The following SPATA18 variants were observed in gnomAD, a reference collection of about 807,000 sequenced individuals.
SPATA18 encodes the protein mitochondria-eating protein.
Under a neutral mutation model 68.1 loss-of-function variants are expected in SPATA18, and 54 were observed. The ratio of observed to expected loss-of-function variants is 0.79; its 90% CI spans 0.64 to 0.99. SPATA18 has a LOEUF of 0.99. Among genes scored for constraint, SPATA18 ranks in the 50% least tolerant of loss-of-function variants. The pLI is 0.00. For synonymous variants in SPATA18, 242 were observed against 244.8 expected (o/e 0.99, Z 0.11); for missense variants, 724 against 681.1 (o/e 1.06, Z -0.70).
chr4:52,079,919 A>G lies in SPATA18; in HGVS notation c.1355A>G (p.Lys452Arg). The G allele has an allele frequency of 6.2e-7, 1 of 1,611,534 alleles. No homozygotes were observed. Residue 452 changes from lysine (K) to arginine (R), a missense_variant and splice_region_variant, in exon 9 of 13, where the codon AAA becomes AGA. Physicochemically the swap from Lys to Arg is conservative, Grantham distance 26 (BLOSUM62 2). Coordinates refer to ENST00000295213, the MANE Select transcript of SPATA18 (RefSeq NM_145263.4). ...GADGEVFNDC[K>R]YRRSYDSDFT... ...GATGGAGAAGTTTTTAATGATTGCA[A>G]GTAAGAGACACAGGAGCAGAAGCTA...
At chr4:52,083,939 C>T (rs1018784150) in intron 10 of SPATA18, among the ~76,000 whole-genome samples, 1 of 151,588 alleles carries the variant, frequency 6.6e-6, no homozygotes, top group Non-Finnish European at 1.5e-5. Context: ...CGGGGTTTCA[C>T]CATGTTGGTC....
intron 1 of SPATA18, among the ~76,000 whole-genome samples, chr4:52,056,907 A>G (rs1293201238): frequency 6.6e-6 from 1 of 151,790 alleles, no homozygotes; most frequent in East Asian, 1.9e-4. Context: ...AATAAAGCCC[A>G]AGACCCTTAA....
intron 11 of SPATA18, among the ~76,000 whole-genome samples, chr4:52,092,224 T>C (rs1205672777): frequency 6.6e-6 from 1 of 151,876 alleles, no homozygotes; most frequent in Admixed American, 6.6e-5. Context: ...AACGGTTCTG[T>C]TTTGCTGGTG....
rs561039099 is a variant in SPATA18, at chr4:52,078,628, C to A, written c.1021-107C>A. 22 of 1,008,516 alleles carry A rather than the reference C, an allele frequency of 2.2e-5. No individual in the cohort carries two copies. In the Middle Eastern group the frequency reaches 1.1e-3, roughly 49 times the overall value. The allele number at this position is 1,008,516 out of a possible 1,614,324, so 62.5% of individuals were successfully genotyped here. ...TTTTTGATCAACTGTGTTTAGTTATCAGAAGACCAATATGATGTTGAAGCT... is the reference window on the plus strand; with the variant it reads ...TTTTTGATCAACTGTGTTTAGTTATAAGAAGACCAATATGATGTTGAAGCT... On this transcript the variant is annotated intron_variant, in intron 7 of 12. Transcript: ENST00000295213.
intron 11 of SPATA18, among the ~76,000 whole-genome samples, chr4:52,085,473 G>T (rs1205044374): frequency 6.6e-6 from 1 of 152,032 alleles, no homozygotes; most frequent in Non-Finnish European, 1.5e-5. Flanking sequence ...AGGTTTTTTT[G>T]TGTGTATTAG....
At chr4:52,080,257 A>G (rs1740805890) in intron 9 of SPATA18, among the ~76,000 whole-genome samples, 1 of 152,190 alleles carries the variant, frequency 6.6e-6, no homozygotes, top group Non-Finnish European at 1.5e-5. Context: ...TGATGTGTGG[A>G]TCACCTGCAT....
chr4:52,059,137 G>C (rs960181743), intron 1 of SPATA18, among the ~76,000 whole-genome samples: 1 of 152,192 alleles, frequency 6.6e-6, no homozygotes, highest in African/African-American at 2.4e-5. Flanking sequence ...TGTCCTCAAG[G>C]AGCTTCTGCC....
Position 52,051,624 on chromosome 4 carries a change from A to AC in SPATA18, c.-77dup, listed in dbSNP as rs1205374104. On this transcript the variant is annotated 5_prime_UTR_variant, in exon 1 of 13. Transcript: ENST00000295213. Reference sequence around the variant, plus strand: ...AAGAGAACACCCTTCCCGCCATATCACCCCACGGTCCTGCGGAGGCCACCG... The same window carrying AC: ...AAGAGAACACCCTTCCCGCCATATCACCCCCACGGTCCTGCGGAGGCCACCG... The AC allele has an allele frequency of 1.5e-6, 2 of 1,308,938 alleles. No individual in the cohort carries two copies. The highest frequency in any genetic ancestry group is 2.3e-5 in the East Asian group (1 of 43,420). 81.1% of individuals were successfully genotyped at this position (1,308,938 alleles called of 1,614,324 possible). A position where few individuals can be genotyped will look rare whatever the true frequency, so the allele number is the denominator to read the frequency against.
chr4:52,077,051 C>G lies in SPATA18; in HGVS notation c.1020+11C>G. On this transcript the variant is annotated intron_variant, in intron 7 of 12. Coordinates refer to ENST00000295213, the MANE Select transcript of SPATA18 (RefSeq NM_145263.4). ...TACATCGCCACAGTGGTATGTGACG[C>G]CTGCGGGACTCCCGGCTCCTTAGGG... is the stretch of plus-strand genomic sequence containing the variant. 2 of 1,586,056 alleles carry G rather than the reference C, an allele frequency of 1.3e-6. No homozygotes were observed. The highest frequency in any genetic ancestry group is 1.7e-6 in the Non-Finnish European group (2 of 1,164,942).
intron 1 of SPATA18, among the ~76,000 whole-genome samples, chr4:52,058,472 C>T (rs1399793655): frequency 6.6e-6 from 1 of 152,186 alleles, no homozygotes; most frequent in Admixed American, 6.5e-5. Flanking sequence ...GAAAGGCTCT[C>T]CAGGTCAACT....
chr4:52,064,713 T>C (rs1306273192), intron 4 of SPATA18, among the ~76,000 whole-genome samples: 2 of 152,238 alleles, frequency 1.3e-5, no homozygotes. Context: ...ATCTCTGCAA[T>C]TGCGATTTGT....
intron 1 of SPATA18, among the ~76,000 whole-genome samples, chr4:52,055,145 C>T (rs971018716): frequency 6.6e-6 from 1 of 152,104 alleles, no homozygotes; most frequent in African/African-American, 2.4e-5. Context: ...TTTAAAAGAA[C>T]ATGTCTTTAT....
rs1211492089 is a variant in SPATA18 at position 52,096,056 on chromosome 4, A to G, written c.*1169A>G. On this transcript the variant is annotated 3_prime_UTR_variant, in exon 13 of 13. Transcript: ENST00000295213. ...AGTTTTGCATAAGCTTAGTGCCAGA[A>G]CCAGCACCTGATGCTTTTCAGGTGA... 6.6e-6 allele frequency: 1 copy of G among 152,162 alleles called. No homozygotes were observed. The highest frequency in any genetic ancestry group is 1.5e-5 in the Non-Finnish European group (1 of 68,048). The allele number at this position is 152,162 out of a possible 1,614,324, so 9.4% of individuals were successfully genotyped here. A position where few individuals can be genotyped will look rare whatever the true frequency, so the allele number is the denominator to read the frequency against.
At chr4:52,089,316 C>A (rs1282915403) in intron 11 of SPATA18, among the ~76,000 whole-genome samples, 11 of 151,990 alleles carry the variant, frequency 7.2e-5, no homozygotes, top group Admixed American at 6.6e-5. Context: ...TTATTTCATG[C>A]CTTCTGCTAG....
At chr4:52,092,118 C>G (rs2109541096) in intron 11 of SPATA18, among the ~76,000 whole-genome samples, 1 of 152,320 alleles carries the variant, frequency 6.6e-6, no homozygotes, top group Non-Finnish European at 1.5e-5. Flanking sequence ...GAATTTCAAG[C>G]CAGTGGATCT....
chr4:52,062,899 G>A (rs1739000287), intron 4 of SPATA18, among the ~76,000 whole-genome samples: 1 of 152,172 alleles, frequency 6.6e-6, no homozygotes, highest in Non-Finnish European at 1.5e-5. Flanking sequence ...GTATAAGAAT[G>A]TATTTTTTAA....
chr4:52,062,783 A>G (rs1230373562), intron 4 of SPATA18, among the ~76,000 whole-genome samples: 11 of 152,228 alleles, frequency 7.2e-5, no homozygotes, highest in African/African-American at 2.4e-5. Flanking sequence ...GGCTGCATCT[A>G]TCAGTCCATT....
intron 5 of SPATA18, among the ~76,000 whole-genome samples, chr4:52,071,206 C>G (rs985789739): frequency 6.6e-6 from 1 of 152,124 alleles, no homozygotes; most frequent in Admixed American, 6.6e-5. Flanking sequence ...TTCTTATCTT[C>G]TTAATCTTAC....
In SPATA18 at chr4:52,078,872, T is replaced by C. The variant is rs1260283855; in HGVS notation, c.1158T>C (p.Tyr386=). The C allele has an allele frequency of 2.5e-6, 4 of 1,590,902 alleles. No homozygotes were observed. The African/African-American group carries it at 4.0e-5, about 16-fold the overall frequency. ...LDYVICHLDL[Y]DSQSSVNDVI... ...ATGTCATTTGTCATCTTGATCTATA[T>C]GATTCTCAAAGCAGTGTCAATGTAA... The change falls in exon 8 of 13, where the codon TAT becomes TAC. Residue 386 remains tyrosine (Y), a synonymous_variant. Coordinates refer to ENST00000295213, the MANE Select transcript of SPATA18 (RefSeq NM_145263.4).
Sources: gnomAD v4.1 joint callset for allele counts (sites outside exome capture counted in the v4.1 genomes callset) on GRCh38, gnomAD v4.1.1 for gene constraint, MANE v1.5 for transcripts, NCBI Gene and HGNC (gene_info 2026-07-23, HGNC 2026-07-21) for gene names.